EXT1: variants seen among roughly 807,000 people sequenced by gnomAD.
EXT1 encodes the protein exostosin glycosyltransferase 1.
In EXT1, 20 loss-of-function variants were observed where a neutral mutation model predicts 82.5. The ratio of observed to expected loss-of-function variants is 0.24; its 90% CI spans 0.17 to 0.35. The LOEUF (loss-of-function observed/expected upper bound fraction) is 0.35. EXT1 is among the 10% of genes least tolerant of loss of function. The pLI is 1.00. For missense variants in EXT1, 757 were observed against 936.5 expected, an observed-to-expected ratio of 0.81 and a Z score of 2.50; for synonymous variants, 348 against 350.8, an observed-to-expected ratio of 0.99 and a Z score of 0.09.
At chr8:117,848,422 G>A (rs557257931) in intron 1 of EXT1, among the ~76,000 whole-genome samples, 1 of 152,174 alleles carries the variant, frequency 6.6e-6, no homozygotes, top group African/African-American at 2.4e-5. Flanking sequence ...AGCTGGCCAT[G>A]CTTCCCACAG....
chr8:117,844,137 C>CTATTATTATTATTATTAT (rs61042253), intron 1 of EXT1, among the ~76,000 whole-genome samples: 8,780 of 142,438 alleles, frequency 0.062, 413 homozygotes, highest in African/African-American at 0.13. Flanking sequence ...ATTTCAATTA[C>CTATTATTATTATTATTAT]TATTATTATT....
chr8:117,847,318 C>T (rs188203333), intron 1 of EXT1, among the ~76,000 whole-genome samples: 147 of 152,290 alleles, frequency 9.7e-4, no homozygotes, highest in African/African-American at 3.4e-3. Flanking sequence ...TTACACCAAG[C>T]CCAATTTACT....
intron 1 of EXT1, among the ~76,000 whole-genome samples, chr8:117,860,133 C>G (rs1359853695): frequency 1.3e-5 from 1 of 78,160 alleles, no homozygotes; most frequent in African/African-American, 5.1e-5. Flanking sequence ...GGTAACAGAG[C>G]AAGATTCTAT....
At chr8:117,902,811 C>T (rs1315106527) in intron 1 of EXT1, among the ~76,000 whole-genome samples, 1 of 152,180 alleles carries the variant, frequency 6.6e-6, no homozygotes, top group Non-Finnish European at 1.5e-5. Context: ...TGATTTAACA[C>T]ACATTATCTT....
At chr8:117,854,093 A>G (rs1432467295) in intron 1 of EXT1, among the ~76,000 whole-genome samples, 2 of 152,268 alleles carry the variant, frequency 1.3e-5, no homozygotes, top group African/African-American at 4.8e-5. Context: ...GAGAAGCCCT[A>G]AGATGACATC....
rs1438065606 is a variant in EXT1, at chr8:117,920,738, AG to A, written c.963-83538del. 9.8e-5 allele frequency among the ~76,000 whole-genome samples: 15 copies of A among 152,318 alleles called. No individual in the cohort carries two copies. In the East Asian group the frequency reaches 2.9e-3, roughly 29 times the overall value. On this transcript the variant is annotated intron_variant, in intron 1 of 10. Coordinates refer to ENST00000378204, the MANE Select transcript of EXT1 (RefSeq NM_000127.3). ...GCATTATCATCTTCGGGATTACTTT[AG>A]GGAGGAGGAAGCTGACCATCCCTGT...
chr8:117,887,848 G>C (rs1047785602), intron 1 of EXT1, among the ~76,000 whole-genome samples: 5 of 151,864 alleles, frequency 3.3e-5, no homozygotes, highest in Admixed American at 6.6e-5. Context: ...CACTTTGGGA[G>C]TCTGAGGCGG....
At chr8:117,808,084 A>T (rs1015034689) in intron 8 of EXT1, among the ~76,000 whole-genome samples, 1 of 152,246 alleles carries the variant, frequency 6.6e-6, no homozygotes, top group Admixed American at 6.5e-5. Context: ...TGCTTATAGT[A>T]GCCCAAAGCA....
At chr8:117,964,645 G>C (rs1586313136) in intron 1 of EXT1, among the ~76,000 whole-genome samples, 2 of 151,942 alleles carry the variant, frequency 1.3e-5, no homozygotes, top group African/African-American at 4.8e-5. Context: ...TTGTTTGTTT[G>C]TTTGTTTGTT....
intron 1 of EXT1, among the ~76,000 whole-genome samples, chr8:117,850,392 G>T (rs974677733): frequency 6.6e-6 from 1 of 152,190 alleles, no homozygotes; most frequent in Non-Finnish European, 1.5e-5. Flanking sequence ...AAAATTTAGG[G>T]ATAATCTTTA....
At chr8:118,091,586 GA>G (rs922230630) in intron 1 of EXT1, among the ~76,000 whole-genome samples, 5 of 150,930 alleles carry the variant, frequency 3.3e-5, no homozygotes, top group East Asian at 1.9e-4. Context: ...AAAATAAAAA[GA>G]AAAAAAAATT....
intron 7 of EXT1, among the ~76,000 whole-genome samples, chr8:117,813,278 C>T (rs1056057682): frequency 6.6e-6 from 1 of 152,032 alleles, no homozygotes; most frequent in Non-Finnish European, 1.5e-5. Context: ...TTGCTTGATA[C>T]AAAAAATGCC....
At chr8:117,883,530 G>A (rs1317820363) in intron 1 of EXT1, among the ~76,000 whole-genome samples, 2 of 152,216 alleles carry the variant, frequency 1.3e-5, no homozygotes, top group East Asian at 3.8e-4. Flanking sequence ...AATTCCGAAA[G>A]GCTGGGACTA....
Position 117,804,857 on chromosome 8 carries a change from G to A in EXT1, c.1920C>T (p.Ala640=), listed in dbSNP as rs1480072354. Residue 640 remains alanine, a synonymous_variant, in exon 10 of 11, where the codon GCC becomes GCT. Coordinates refer to ENST00000378204, the MANE Select transcript of EXT1 (RefSeq NM_000127.3). ...YHYLYSHYLP[A]SLKNMVDQLA... ...ATTGGTCCACCATGTTCTTCAGGCT[G>A]GCTGGCAGGTAATGGGAGTATAGGT... 2.5e-6 allele frequency: 4 copies of A among 1,613,968 alleles called. No individual in the cohort carries two copies. The Admixed American group carries it at 5.0e-5, about 20-fold the overall frequency.
chr8:117,853,300 T>C (rs1812486553), intron 1 of EXT1, among the ~76,000 whole-genome samples: 2 of 152,144 alleles, frequency 1.3e-5, no homozygotes, highest in Admixed American at 6.5e-5. Flanking sequence ...ATCCCAGCAC[T>C]TGGGGAGGCT....
chr8:117,822,725 T>C, intron 4 of EXT1, 128 bp from the exon 5 acceptor site: 1 of 962,760 alleles, frequency 1.0e-6, no homozygotes, highest in Non-Finnish European at 1.6e-6. Context: ...CCCACTTTAA[T>C]TCTCCGGATA....
chr8:118,111,602 CTCTT>C lies in EXT1; in HGVS notation c.-560_-557del, dbSNP rs1817904969. On this transcript the variant is annotated 5_prime_UTR_variant, in exon 1 of 11. Coordinates refer to ENST00000378204, the MANE Select transcript of EXT1 (RefSeq NM_000127.3). The stretch of plus-strand genomic sequence containing the variant: ...CGTAACCTCACAAATCCCTGCATCT[CTCTT>C]TATTCCCTTCTGCAGCGGCTCCAAG... The C allele has an allele frequency of 2.5e-6, 1 of 406,782 alleles. No individual in the cohort carries two copies. Among genetic ancestry groups the C allele is most frequent in the Admixed American group, 4.1e-5 (1 of 24,160 alleles). 25.2% of individuals were successfully genotyped at this position (406,782 alleles called of 1,614,324 possible). A position where few individuals can be genotyped will look rare whatever the true frequency, so the allele number is the denominator to read the frequency against.
At chr8:117,909,432 G>A (rs1586278947) in intron 1 of EXT1, among the ~76,000 whole-genome samples, 1 of 152,284 alleles carries the variant, frequency 6.6e-6, no homozygotes, top group East Asian at 1.9e-4. Context: ...GTAAATGTAT[G>A]TGATCCTGTT....
chr8:117,915,016 C>T (rs1437758727), intron 1 of EXT1, among the ~76,000 whole-genome samples: 2 of 152,120 alleles, frequency 1.3e-5, no homozygotes, highest in Admixed American at 1.3e-4. Flanking sequence ...CCTTTTGAAA[C>T]CCTTAATGAA....
Sources: gnomAD v4.1 joint callset for allele counts (sites outside exome capture counted in the v4.1 genomes callset) on GRCh38, gnomAD v4.1.1 for gene constraint, MANE v1.5 for transcripts, NCBI Gene and HGNC (gene_info 2026-07-23, HGNC 2026-07-21) for gene names.